Variants in MAML3 observed in about 807,000 individuals in gnomAD.
MAML3 encodes mastermind-like protein 3.
MAML3 carries 27 observed loss-of-function variants against 101.9 expected under a neutral mutation model. The observed-to-expected ratio is 0.27, with a 90% CI of 0.20 to 0.37. MAML3 has a LOEUF of 0.37. Among genes scored for constraint, MAML3 ranks in the 10% least tolerant of loss-of-function variants. MAML3 has a pLI of 1.00. For missense variants in MAML3, 1,316 were observed against 1,444.9 expected (o/e 0.91, Z 1.45); for synonymous variants, 501 against 555.9 (o/e 0.90, Z 1.39).
At chr4:139,948,296 G>A (rs142136790) in intron 1 of MAML3, among the ~76,000 whole-genome samples, 203 of 152,224 alleles carry the variant, frequency 1.3e-3, no homozygotes, top group African/African-American at 4.7e-3. Context: ...TCATTTCACT[G>A]TTAAGAACAG....
intron 2 of MAML3, among the ~76,000 whole-genome samples, chr4:139,852,635 G>A (rs1196082328): frequency 1.3e-5 from 2 of 151,938 alleles, no homozygotes; most frequent in South Asian, 2.1e-4. Flanking sequence ...GGCTGATCTC[G>A]AACTCCTGGC....
In MAML3 at chr4:139,997,122, TTATATA is replaced by T. The variant is rs1045133861; in HGVS notation, c.469-106161_469-106156del. 4.7e-5 allele frequency among the ~76,000 whole-genome samples: 7 copies of T among 149,496 alleles called. No homozygotes were observed. In the East Asian group the frequency reaches 1.4e-3, roughly 29 times the overall value. ...TTGAGACTCTGTCTCAAAAAAATAT[TTATATA>T]TATATGTGTATATATATATACACAC... On this transcript the variant is annotated intron_variant, in intron 1 of 4. Coordinates refer to ENST00000509479, the MANE Select transcript of MAML3 (RefSeq NM_018717.5).
chr4:139,787,950 G>T (rs1011372919), intron 2 of MAML3, among the ~76,000 whole-genome samples: 1 of 152,092 alleles, frequency 6.6e-6, no homozygotes, highest in Non-Finnish European at 1.5e-5. Context: ...TAGGGCTTTT[G>T]CCATCTATTC....
At chr4:140,003,431 A>G (rs1726370313) in intron 1 of MAML3, among the ~76,000 whole-genome samples, 1 of 152,116 alleles carries the variant, frequency 6.6e-6, no homozygotes, top group Non-Finnish European at 1.5e-5. Context: ...GGGGGGTAAT[A>G]GGCTAGGGGA....
chr4:139,832,863 T>A (rs1731193302), intron 2 of MAML3, among the ~76,000 whole-genome samples: 1 of 152,224 alleles, frequency 6.6e-6, no homozygotes. Flanking sequence ...TCATCCGCAG[T>A]GATCAGCCTG....
intron 1 of MAML3, among the ~76,000 whole-genome samples, chr4:139,962,238 T>C (rs1043352087): frequency 2.6e-5 from 4 of 152,184 alleles, no homozygotes; most frequent in African/African-American, 9.7e-5. Context: ...ATCATATCAG[T>C]GGGCCTTTCT....
At chr4:140,042,722 G>C (rs1382559765) in intron 1 of MAML3, among the ~76,000 whole-genome samples, 5 of 152,298 alleles carry the variant, frequency 3.3e-5, no homozygotes, top group African/African-American at 9.6e-5. Flanking sequence ...CATGTGACAA[G>C]ACAGTGTTGC....
chr4:139,854,664 C>T (rs913014874), intron 2 of MAML3, among the ~76,000 whole-genome samples: 15 of 151,976 alleles, frequency 9.9e-5, no homozygotes, highest in Non-Finnish European at 2.2e-4. Flanking sequence ...AGGGAGAGCA[C>T]GACCACAGTC....
At chr4:140,021,523 A>G (rs1726733436) in intron 1 of MAML3, among the ~76,000 whole-genome samples, 1 of 152,222 alleles carries the variant, frequency 6.6e-6, no homozygotes, top group African/African-American at 2.4e-5. Flanking sequence ...GTAGCTAAGT[A>G]ATTAGATCTA....
chr4:139,875,656 T>C (rs894222077), intron 2 of MAML3, among the ~76,000 whole-genome samples: 1 of 152,110 alleles, frequency 6.6e-6, no homozygotes. Context: ...ATGTTATATG[T>C]TGACTACAGG....
intron 1 of MAML3, among the ~76,000 whole-genome samples, chr4:139,965,017 A>G (rs1277561272): frequency 6.6e-6 from 1 of 152,254 alleles, no homozygotes; most frequent in Non-Finnish European, 1.5e-5. Context: ...GCTCCAGTAC[A>G]TAACAGCAAG....
At chr4:140,038,528 G>T (rs1727026292) in intron 1 of MAML3, among the ~76,000 whole-genome samples, 1 of 152,156 alleles carries the variant, frequency 6.6e-6, no homozygotes, top group South Asian at 2.1e-4. Context: ...TGTTTGTCCT[G>T]AGGAAGTATC....
intron 1 of MAML3, among the ~76,000 whole-genome samples, chr4:140,064,905 C>A (rs964990288): frequency 1.3e-5 from 2 of 152,188 alleles, no homozygotes; most frequent in Admixed American, 1.3e-4. Flanking sequence ...CTTCTCAAGG[C>A]CCTTTTCAAA....
intron 2 of MAML3, among the ~76,000 whole-genome samples, chr4:139,736,516 C>T (rs752655222): frequency 1.6e-4 from 25 of 151,884 alleles, no homozygotes; most frequent in Admixed American, 3.3e-4. Context: ...AAACCATACT[C>T]ATAAGACTCC....
At chr4:139,944,431 T>C (rs1326545581) in intron 1 of MAML3, among the ~76,000 whole-genome samples, 1 of 152,148 alleles carries the variant, frequency 6.6e-6, no homozygotes, top group Non-Finnish European at 1.5e-5. Flanking sequence ...TATGCAGTGT[T>C]TGGTTTTTTG....
At chr4:139,827,232 C>A (rs559694314) in intron 2 of MAML3, among the ~76,000 whole-genome samples, 4 of 152,216 alleles carry the variant, frequency 2.6e-5, no homozygotes, top group African/African-American at 9.6e-5. Flanking sequence ...ACAGAAAAAA[C>A]GGCATTGGAT....
chr4:140,102,884 C>T (rs184861215), intron 1 of MAML3, among the ~76,000 whole-genome samples: 127 of 152,260 alleles, frequency 8.3e-4, no homozygotes, highest in Non-Finnish European at 1.5e-3. Context: ...ATGAAGGCCA[C>T]AGTAGGAAGT....
chr4:139,819,468 A>G (rs542308709), intron 2 of MAML3, among the ~76,000 whole-genome samples: 20 of 152,188 alleles, frequency 1.3e-4, no homozygotes, highest in African/African-American at 4.6e-4. Flanking sequence ...AGCTGCTTCG[A>G]TATCTTATTT....
chr4:139,782,781 A>G (rs1216537623), intron 2 of MAML3, among the ~76,000 whole-genome samples: 1 of 152,202 alleles, frequency 6.6e-6, no homozygotes, highest in Non-Finnish European at 1.5e-5. Flanking sequence ...CACTTAAGAC[A>G]GGAGGCCTCT....
Sources: gnomAD v4.1 joint callset for allele counts (sites outside exome capture counted in the v4.1 genomes callset) on GRCh38, gnomAD v4.1.1 for gene constraint, MANE v1.5 for transcripts, NCBI Gene and HGNC (gene_info 2026-07-23, HGNC 2026-07-21) for gene names.